MYO5B: variants seen among roughly 807,000 people sequenced by gnomAD.
The protein encoded by MYO5B is unconventional myosin-Vb.
MYO5B carries 143 observed loss-of-function variants against 229.3 expected under a neutral mutation model. That is an observed-to-expected ratio of 0.62 (90% CI 0.54 to 0.72). The LOEUF (loss-of-function observed/expected upper bound fraction) is 0.72, where lower values mean the gene tolerates loss of function less well. Among genes scored for constraint, MYO5B ranks in the 30% least tolerant of loss-of-function variants. The pLI is 0.00. For missense variants in MYO5B, 2,321 were observed against 2,331.0 expected, an observed-to-expected ratio of 1.00 and a Z score of 0.09; for synonymous variants, 918 against 885.2, an observed-to-expected ratio of 1.04 and a Z score of -0.66.
At chr18:50,038,860 T>G (rs2144387380) in intron 3 of MYO5B, among the ~76,000 whole-genome samples, 1 of 152,302 alleles carries the variant, frequency 6.6e-6, no homozygotes, top group Admixed American at 6.5e-5. Context: ...GTAAATATCT[T>G]ATTAAAGGCT....
Position 49,880,351 on chromosome 18 carries a change from T to A in MYO5B, c.3130+20A>T. On this transcript the variant is annotated intron_variant, in intron 23 of 39. Coordinates refer to ENST00000285039, the MANE Select transcript of MYO5B (RefSeq NM_001080467.3). ...AAGAGATTAAAACCCCAAATAAAACTCAAGTGCTTTGGTACTTACCTTTAG... is the reference window on the plus strand; with the variant it reads ...AAGAGATTAAAACCCCAAATAAAACACAAGTGCTTTGGTACTTACCTTTAG... 6.2e-7 allele frequency: 1 copy of A among 1,604,658 alleles called. No homozygotes were observed. The highest frequency in any genetic ancestry group is 8.5e-7 in the Non-Finnish European group (1 of 1,171,422).
intron 1 of MYO5B, among the ~76,000 whole-genome samples, chr18:50,096,823 A>G (rs1294608499): frequency 2.0e-5 from 3 of 151,878 alleles, no homozygotes; most frequent in Non-Finnish European, 4.4e-5. Context: ...TTCCTGCTGG[A>G]GCTCCCTAGG....
Position 49,904,802 on chromosome 18 carries a change from C to G in MYO5B, c.2441G>C (p.Arg814Thr). 6.2e-7 allele frequency: 1 copy of G among 1,614,018 alleles called. No homozygotes were observed. Among genetic ancestry groups the G allele is most frequent in the Admixed American group, 1.7e-5 (1 of 60,030 alleles). The change falls in exon 20 of 40, where the codon AGA (arginine) becomes ACA (threonine). Residue 814 changes from arginine (R) to threonine (T), a missense_variant. Arg to Thr is a moderately conservative substitution (Grantham distance 71, BLOSUM62 -1). Around this residue, in one of 2 missense-constraint regions of MYO5B, gnomAD observed 2,113 missense variants for 2,044.7 expected, o/e 1.03. Transcript: ENST00000285039. ...RRLAEHLRRI[R>T]AAVVLQKHYR... is the part of the protein sequence containing the mutation. ...ATGTTTCTGGAGCACCACAGCCGCT[C>G]TGATCCTCCGCAGGTGCTCAGCCAG...
intron 1 of MYO5B, among the ~76,000 whole-genome samples, chr18:50,147,775 C>A (rs1599056995): frequency 6.6e-6 from 1 of 152,282 alleles, no homozygotes; most frequent in South Asian, 2.1e-4. Flanking sequence ...AGTGCCTGCA[C>A]ACTCCCTAAA....
rs1210274716 is a variant in MYO5B at position 50,051,429 on chromosome 18, T to C, written c.138+3839A>G. Among the ~76,000 whole-genome samples the C allele has an allele frequency of 2.0e-5, 3 of 152,128 alleles. No individual in the cohort carries two copies. In the East Asian group the frequency reaches 5.8e-4, roughly 29 times the overall value. ...ACAAACTCAGTTGGAAAATGAAATT[T>C]AAATTAAAAACCATGGAAACAAGGA... is the stretch of plus-strand genomic sequence containing the variant. On this transcript the variant is annotated intron_variant, in intron 2 of 39. Transcript: ENST00000285039.
intron 1 of MYO5B, among the ~76,000 whole-genome samples, chr18:50,118,626 C>CTTTT (rs11429821): frequency 1.4e-5 from 2 of 138,024 alleles, no homozygotes; most frequent in Non-Finnish European, 3.1e-5. Context: ...GTTGGCATTT[C>CTTTT]TTTTTTTTTT....
At chr18:49,847,096 G>C in intron 33 of MYO5B, 50 bp downstream of exon 33, 1 of 1,609,174 alleles carries the variant, frequency 6.2e-7, no homozygotes, top group Non-Finnish European at 8.5e-7. Context: ...AGATGGGAGC[G>C]GGGGCTGAAG....
intron 4 of MYO5B, among the ~76,000 whole-genome samples, chr18:50,008,973 G>A (rs946743650): frequency 7.9e-5 from 12 of 152,144 alleles, no homozygotes; most frequent in African/African-American, 2.9e-4. Context: ...AATAATTTCT[G>A]TCCAACAAAG....
At chr18:50,188,785 T>TAAAAAAA (rs4042094) in intron 1 of MYO5B, among the ~76,000 whole-genome samples, 55 of 105,124 alleles carry the variant, frequency 5.2e-4, no homozygotes, top group African/African-American at 6.5e-4. Context: ...GACTCTGTCA[T>TAAAAAAA]AAAAAAAAAA....
chr18:50,139,113 G>C (rs1426299716), intron 1 of MYO5B, among the ~76,000 whole-genome samples: 1 of 152,252 alleles, frequency 6.6e-6, no homozygotes, highest in Non-Finnish European at 1.5e-5. Context: ...ACCAGGGCCA[G>C]GAAATATTTA....
intron 1 of MYO5B, among the ~76,000 whole-genome samples, chr18:50,086,127 A>C (rs1051997058): frequency 6.6e-6 from 1 of 152,196 alleles, no homozygotes; most frequent in Non-Finnish European, 1.5e-5. Context: ...TGAAGTACAG[A>C]GTTAAAGCAG....
chr18:49,904,427 C>A (rs2024876551), intron 20 of MYO5B, among the ~76,000 whole-genome samples: 1 of 152,140 alleles, frequency 6.6e-6, no homozygotes, highest in Non-Finnish European at 1.5e-5. Context: ...GCCAAATAAA[C>A]CTCTTTTCTT....
At chr18:49,863,705 T>C (rs1286472778) in intron 28 of MYO5B, among the ~76,000 whole-genome samples, 1 of 152,178 alleles carries the variant, frequency 6.6e-6, no homozygotes, top group African/African-American at 2.4e-5. Context: ...GCTCAGGTTT[T>C]TAGAGCCCAT....
At chr18:49,958,035 C>T (rs2025515975) in intron 12 of MYO5B, among the ~76,000 whole-genome samples, 1 of 152,138 alleles carries the variant, frequency 6.6e-6, no homozygotes, top group African/African-American at 2.4e-5. Context: ...CTTTATTTTT[C>T]ACCTTTACAA....
intron 29 of MYO5B, among the ~76,000 whole-genome samples, chr18:49,859,159 G>T (rs545027241): frequency 6.6e-6 from 1 of 152,320 alleles, no homozygotes; most frequent in East Asian, 1.9e-4. Flanking sequence ...CACCTGTAAT[G>T]AGCCCGTGGC....
intron 32 of MYO5B, 111 bp downstream of exon 32, chr18:49,849,456 G>A: frequency 1.2e-6 from 1 of 859,610 alleles, no homozygotes; most frequent in East Asian, 2.4e-5. Flanking sequence ...GAGCCACCAA[G>A]AAATCAGTGA....
At chr18:50,111,601 T>C (rs1293797881) in intron 1 of MYO5B, among the ~76,000 whole-genome samples, 1 of 152,214 alleles carries the variant, frequency 6.6e-6, no homozygotes, top group Non-Finnish European at 1.5e-5. Context: ...AAGGGGTCAG[T>C]CATGAACTGA....
intron 1 of MYO5B, among the ~76,000 whole-genome samples, chr18:50,146,415 T>C (rs967203943): frequency 1.3e-5 from 2 of 152,224 alleles, no homozygotes; most frequent in South Asian, 4.1e-4. Flanking sequence ...ATGACCTGAC[T>C]GCCCGCTGGA....
intron 20 of MYO5B, among the ~76,000 whole-genome samples, chr18:49,904,287 T>A (rs1244326210): frequency 1.3e-5 from 2 of 152,234 alleles, no homozygotes; most frequent in East Asian, 3.8e-4. Context: ...GAGCCACTCT[T>A]GTGCTTCCTC....
Sources: allele counts gnomAD v4.1 joint callset (sites outside exome capture counted in the v4.1 genomes callset), GRCh38; gene constraint gnomAD v4.1.1; regional missense constraint gnomAD v4.1.1; transcripts MANE v1.5; gene names NCBI Gene and HGNC (gene_info 2026-07-23, HGNC 2026-07-21).